Variants in ZNF280D observed in about 807,000 individuals in gnomAD.
The protein encoded by ZNF280D is zinc finger protein 280D.
A neutral mutation model predicts 94.7 loss-of-function variants in ZNF280D; 39 were observed. That is an observed-to-expected ratio of 0.41 (90% confidence interval 0.32 to 0.54). The LOEUF (loss-of-function observed/expected upper bound fraction) is 0.54. ZNF280D is among the 20% of genes least tolerant of loss of function. The pLI is 0.22. For synonymous variants in ZNF280D, 398 were observed against 377.6 expected, an observed-to-expected ratio of 1.05 and a Z score of -0.63; for missense variants, 1,090 against 1,149.3, an observed-to-expected ratio of 0.95 and a Z score of 0.75.
At chr15:56,698,422 T>G (rs1263683788) in intron 6 of ZNF280D, 1 of 152,228 alleles carries the variant, frequency 6.6e-6, no homozygotes, top group Non-Finnish European at 1.5e-5. Context: ...AAAGTTCAAA[T>G]TTTACCATTG....
intron 1 of ZNF280D, among the ~76,000 whole-genome samples, chr15:56,712,498 C>T (rs1458505126): frequency 7.0e-6 from 1 of 143,224 alleles, no homozygotes; most frequent in Non-Finnish European, 1.5e-5. Context: ...AGTGGTGGCA[C>T]ATGCCCCTGG....
In ZNF280D at chr15:56,631,128, T is replaced by TA. The variant is rs1470295620; in HGVS notation, c.*369dup. 1 of 179,104 alleles carries TA rather than the reference T, an allele frequency of 5.6e-6. No individual in the cohort carries two copies. Among genetic ancestry groups the TA allele is most frequent in the African/African-American group, 2.4e-5 (1 of 42,172 alleles). 11.1% of individuals were successfully genotyped at this position (179,104 alleles called of 1,614,324 possible). On this transcript the variant is annotated 3_prime_UTR_variant, in exon 22 of 22. Coordinates refer to ENST00000267807, the MANE Select transcript of ZNF280D (RefSeq NM_017661.4). ...TTAACTGAAAAGGATATACAGGTAATAAAGATTTTTAGCTTAGGATTGATG... is the reference window on the plus strand; with the variant it reads ...TTAACTGAAAAGGATATACAGGTAATAAAAGATTTTTAGCTTAGGATTGATG...
intron 19 of ZNF280D, among the ~76,000 whole-genome samples, chr15:56,649,019 T>C (rs1246931459): frequency 1.3e-5 from 2 of 152,052 alleles, no homozygotes; most frequent in Non-Finnish European, 2.9e-5. Context: ...AGAATAATCA[T>C]TTTAGATAGA....
At chr15:56,654,760 T>C in intron 17 of ZNF280D, 2 of 517,980 alleles carry the variant, frequency 3.9e-6, no homozygotes, top group South Asian at 3.1e-5. Flanking sequence ...AAGTTAGGAG[T>C]CAGAAGACCT....
chr15:56,677,608 T>C lies in ZNF280D; in HGVS notation c.1229A>G (p.Asn410Ser), dbSNP rs2055318095. 2.5e-6 allele frequency: 4 copies of C among 1,611,014 alleles called. No homozygotes were observed. The highest frequency in any genetic ancestry group is 3.4e-6 in the Non-Finnish European group (4 of 1,178,446). The change falls in exon 12 of 22, where the codon AAT (asparagine) becomes AGT (serine). Residue 410 changes from asparagine to serine, a missense_variant. By Grantham distance (46) the Asn-to-Ser change is conservative (BLOSUM62 1). This residue lies in a region of ZNF280D where 127 missense variants were observed against 208.6 expected (regional missense o/e 0.61). Coordinates refer to ENST00000267807, the MANE Select transcript of ZNF280D (RefSeq NM_017661.4). ...ATATGGCATTTCACCAGGTTTATGATTGTCCTTCATATGTTGTAAAAGAAC... is the reference window on the plus strand; with the variant it reads ...ATATGGCATTTCACCAGGTTTATGACTGTCCTTCATATGTTGTAAAAGAAC... ...EHVLLQHMKDNHKPGEMPYVC... is the reference protein window; with the variant it reads ...EHVLLQHMKDSHKPGEMPYVC...
Position 56,699,706 on chromosome 15 carries a change from T to C in ZNF280D, c.381+1227A>G, listed in dbSNP as rs575643745. 184 of 427,356 alleles carry C rather than the reference T, an allele frequency of 4.3e-4. 2 individuals carry two copies. Among genetic ancestry groups the C allele is most frequent in the African/African-American group, 3.7e-3 (171 of 46,604 alleles). The allele number at this position is 427,356 out of a possible 1,614,324, so 26.5% of individuals were successfully genotyped here. A position where few individuals can be genotyped will look rare whatever the true frequency, so the allele number is the denominator to read the frequency against. On this transcript the variant is annotated intron_variant, in intron 6 of 21. Coordinates refer to ENST00000267807, the MANE Select transcript of ZNF280D (RefSeq NM_017661.4). Reference sequence around the variant, plus strand: ...TCAGGTAGTTTACCTCACAATTCAATCACACAAGTGCTTTTCCTCAAGACA... The same window carrying C: ...TCAGGTAGTTTACCTCACAATTCAACCACACAAGTGCTTTTCCTCAAGACA...
chr15:56,647,314 A>G (rs1014343430), intron 19 of ZNF280D, among the ~76,000 whole-genome samples: 1 of 152,204 alleles, frequency 6.6e-6, no homozygotes, highest in Non-Finnish European at 1.5e-5. Flanking sequence ...AATGTGGAGA[A>G]CAAATATGAC....
At chr15:56,713,513 T>G (rs952621932) in intron 1 of ZNF280D, among the ~76,000 whole-genome samples, 1 of 152,198 alleles carries the variant, frequency 6.6e-6, no homozygotes, top group Non-Finnish European at 1.5e-5. Context: ...GTTTATATTC[T>G]ATTTCATTTT....
At chr15:56,682,821 C>A (rs2055722779) in intron 9 of ZNF280D, among the ~76,000 whole-genome samples, 1 of 151,790 alleles carries the variant, frequency 6.6e-6, no homozygotes, top group Non-Finnish European at 1.5e-5. Flanking sequence ...ATCTCATGTC[C>A]ACGTCAAGAT....
intron 6 of ZNF280D, chr15:56,698,671 GAT>G (rs1233409578): frequency 6.6e-6 from 1 of 152,092 alleles, no homozygotes; most frequent in Non-Finnish European, 1.5e-5. Context: ...AAGGTGACAG[GAT>G]ATATATGATT....
At chr15:56,668,680 T>G (rs1302790187) in intron 14 of ZNF280D, 143 bp downstream of exon 14, 12 of 739,520 alleles carry the variant, frequency 1.6e-5, no homozygotes, top group Non-Finnish European at 2.5e-5. Context: ...AAGTTTTTCC[T>G]TCTACACATA....
intron 1 of ZNF280D, among the ~76,000 whole-genome samples, chr15:56,712,020 G>T (rs1343648755): frequency 6.6e-6 from 1 of 152,128 alleles, no homozygotes; most frequent in Non-Finnish European, 1.5e-5. Context: ...CAGGACCACC[G>T]TATTATATAA....
chr15:56,712,543 G>C (rs184411274), intron 1 of ZNF280D, among the ~76,000 whole-genome samples: 1 of 120,956 alleles, frequency 8.3e-6, no homozygotes, highest in African/African-American at 3.3e-5. Context: ...GCAGTGAGCC[G>C]AGACTGGGCC....
At chr15:56,668,575 C>T (rs997486356) in intron 14 of ZNF280D, among the ~76,000 whole-genome samples, 5 of 152,108 alleles carry the variant, frequency 3.3e-5, no homozygotes, top group Non-Finnish European at 5.9e-5. Flanking sequence ...ATTGAAACAA[C>T]CCATTGACCC....
chr15:56,634,975 T>C (rs1455335068), intron 21 of ZNF280D, among the ~76,000 whole-genome samples: 1 of 152,080 alleles, frequency 6.6e-6, no homozygotes, highest in Non-Finnish European at 1.5e-5. Context: ...CAACATAAAA[T>C]ATGCTCTATA....
At chr15:56,723,452 T>C (rs1226181555) in intron 1 of ZNF280D, among the ~76,000 whole-genome samples, 1 of 152,214 alleles carries the variant, frequency 6.6e-6, no homozygotes. Flanking sequence ...ATTATGGAAT[T>C]AGTGTTGACA....
In ZNF280D at chr15:56,631,686, A is replaced by G; in HGVS notation, c.2752T>C (p.Leu918=). The change falls in exon 22 of 22, where the codon TTG becomes CTG. Residue 918 remains leucine, a synonymous_variant. Coordinates refer to ENST00000267807, the MANE Select transcript of ZNF280D (RefSeq NM_017661.4). The part of the protein sequence containing the change: ...SDVSEQGSIH[L]EPLTPSEVLE... ...ACCTCGGATGGAGTCAGAGGTTCCAAATGAATACTGCCTTGCTCGCTAACA... is the reference window on the plus strand; with the variant it reads ...ACCTCGGATGGAGTCAGAGGTTCCAGATGAATACTGCCTTGCTCGCTAACA... 1 of 1,614,146 alleles carries G rather than the reference A, an allele frequency of 6.2e-7. No homozygotes were observed. Among genetic ancestry groups the G allele is most frequent in the Non-Finnish European group, 8.5e-7 (1 of 1,180,010 alleles).
chr15:56,708,868 T>G (rs1294985026), intron 1 of ZNF280D, among the ~76,000 whole-genome samples: 1 of 152,076 alleles, frequency 6.6e-6, no homozygotes, highest in Non-Finnish European at 1.5e-5. Context: ...CAAGATGGAT[T>G]AAAGACTTAA....
chr15:56,708,636 C>T (rs795034), intron 1 of ZNF280D, among the ~76,000 whole-genome samples: 149,025 of 152,224 alleles, frequency 0.98, 73,027 homozygotes, highest in East Asian at 1. Context: ...ACCAAAACAG[C>T]ATGGTACTGG....
Sources: gnomAD v4.1 joint callset for allele counts (sites outside exome capture counted in the v4.1 genomes callset) on GRCh38, gnomAD v4.1.1 for gene constraint, gnomAD v4.1.1 regional missense constraint, MANE v1.5 for transcripts, NCBI Gene and HGNC (gene_info 2026-07-23, HGNC 2026-07-21) for gene names.